Variants in TRPM3 observed in about 807,000 individuals in gnomAD.
TRPM3 encodes transient receptor potential cation channel subfamily M member 3.
A neutral mutation model predicts 181.2 loss-of-function variants in TRPM3; 77 were observed. The observed-to-expected ratio is 0.42, with a 90% CI of 0.35 to 0.51. The LOEUF (loss-of-function observed/expected upper bound fraction) is 0.51. Ranked by LOEUF, TRPM3 falls within the 20% of genes least tolerant of loss-of-function variation. The pLI, the probability that TRPM3 is intolerant of heterozygous loss-of-function variation, is 0.01. For missense variants in TRPM3, 1,759 were observed against 2,196.7 expected, an observed-to-expected ratio of 0.80 and a Z score of 3.98; for synonymous variants, 745 against 796.4, an observed-to-expected ratio of 0.94 and a Z score of 1.09.
At chr9:70,696,640 C>T (rs146926072) in intron 8 of TRPM3, among the ~76,000 whole-genome samples, 223 of 152,294 alleles carry the variant, frequency 1.5e-3, no homozygotes, top group Middle Eastern at 6.8e-3. Flanking sequence ...GTTTGAAGGA[C>T]ACGCAGGGCC....
chr9:70,694,154 G>T (rs1050572339), intron 8 of TRPM3, among the ~76,000 whole-genome samples: 1 of 152,210 alleles, frequency 6.6e-6, no homozygotes, highest in Non-Finnish European at 1.5e-5. Context: ...TGTGTCACTG[G>T]TCACTGCCTT....
In TRPM3 at chr9:71,265,463, T is replaced by C. The variant is rs367619263; in HGVS notation, c.183+181190A>G. On this transcript the variant is annotated intron_variant, in intron 1 of 24. Coordinates refer to the TRPM3 transcript ENST00000357533. Reference sequence around the variant, plus strand: ...TTGAAAATGGTGACACATATTGGCATGTAAGTGAATGTATTTGCTAAATAG... The same window carrying C: ...TTGAAAATGGTGACACATATTGGCACGTAAGTGAATGTATTTGCTAAATAG... 1.9e-4 allele frequency among the ~76,000 whole-genome samples: 29 copies of C among 152,356 alleles called. No individual in the cohort carries two copies. In the South Asian group the frequency reaches 3.7e-3, roughly 20 times the overall value.
chr9:70,795,033 G>A (rs1331847503), intron 6 of TRPM3, among the ~76,000 whole-genome samples: 1 of 152,174 alleles, frequency 6.6e-6, no homozygotes. Flanking sequence ...GACTATTGAT[G>A]TAGCATTTAC....
chr9:71,020,257 A>G (rs1465049121), intron 1 of TRPM3, among the ~76,000 whole-genome samples: 8 of 152,110 alleles, frequency 5.3e-5, no homozygotes. Flanking sequence ...ACTTGAGCCC[A>G]GAAGTTCAAG....
chr9:70,635,054 G>GACAC (rs1344946815), intron 12 of TRPM3, among the ~76,000 whole-genome samples, 157 bp downstream of exon 12: 7 of 115,498 alleles, frequency 6.1e-5, no homozygotes, highest in East Asian at 3.2e-4. Context: ...AGAGTTAAAA[G>GACAC]ACACATACAC....
intron 1 of TRPM3, among the ~76,000 whole-genome samples, chr9:70,987,900 A>C (rs1032496944): frequency 1.3e-5 from 2 of 152,158 alleles, no homozygotes; most frequent in African/African-American, 4.8e-5. Flanking sequence ...AATTAAAAAC[A>C]TTCCAACTAT....
intron 1 of TRPM3, among the ~76,000 whole-genome samples, chr9:71,295,684 A>G (rs1385900427): frequency 6.6e-6 from 1 of 151,814 alleles, no homozygotes; most frequent in Non-Finnish European, 1.5e-5. Flanking sequence ...TAAGTAAATA[A>G]ACAAGCAATC....
At chr9:70,674,753 A>T (rs2063670815) in intron 9 of TRPM3, among the ~76,000 whole-genome samples, 1 of 130,692 alleles carries the variant, frequency 7.7e-6, no homozygotes, top group Admixed American at 7.9e-5. Flanking sequence ...TTTTTTAGAG[A>T]CAAGGTCTCA....
At chr9:71,282,053 CAGAAAGAG>C (rs1344685622) in intron 1 of TRPM3, among the ~76,000 whole-genome samples, 2 of 91,018 alleles carry the variant, frequency 2.2e-5, no homozygotes, top group Non-Finnish European at 4.4e-5. Flanking sequence ...AAGGGCAAAA[CAGAAAGAG>C]AGAAAGAAAG....
intron 4 of TRPM3, among the ~76,000 whole-genome samples, chr9:70,844,067 T>C (rs988095247): frequency 2.0e-5 from 3 of 152,204 alleles, no homozygotes; most frequent in South Asian, 2.1e-4. Context: ...GATTCATAAT[T>C]ATATGTGAAG....
At chr9:70,567,826 G>T (rs1462496156) in intron 22 of TRPM3, among the ~76,000 whole-genome samples, 1 of 152,194 alleles carries the variant, frequency 6.6e-6, no homozygotes, top group Non-Finnish European at 1.5e-5. Flanking sequence ...ATAAAAGAAT[G>T]TTCTGTCTTC....
chr9:70,620,177 G>A lies in TRPM3; in HGVS notation c.2028C>T (p.Ala676=). 1 of 1,614,208 alleles carries A rather than the reference G, an allele frequency of 6.2e-7. No individual in the cohort carries two copies. The highest frequency in any genetic ancestry group is 1.1e-5 in the South Asian group (1 of 91,076). ...AGAGCTTGCAGGCCACCAGGGCCTT[G>A]GCCATGGCCTCCTCACCGTGCTGCC... The part of the protein sequence containing the change: ...FFWQHGEEAM[A]KALVACKLCK... Residue 676 remains alanine, a synonymous_variant, in exon 16 of 26, where the codon GCC becomes GCT. Transcript: ENST00000677713.
chr9:71,018,945 C>T (rs968782756), intron 1 of TRPM3, among the ~76,000 whole-genome samples: 8 of 151,758 alleles, frequency 5.3e-5, no homozygotes, highest in Admixed American at 3.9e-4. Flanking sequence ...ACATTATAAC[C>T]AAGTCAGGTT....
intron 1 of TRPM3, among the ~76,000 whole-genome samples, chr9:70,985,708 A>G (rs919209660): frequency 2.0e-5 from 3 of 152,176 alleles, no homozygotes; most frequent in Non-Finnish European, 2.9e-5. Flanking sequence ...TTTGGGAGGT[A>G]TAAAAATGAA....
intron 1 of TRPM3, among the ~76,000 whole-genome samples, chr9:70,969,781 C>CATAT (rs1564870311): frequency 1.0e-5 from 1 of 99,286 alleles, no homozygotes; most frequent in Non-Finnish European, 2.2e-5. Flanking sequence ...TATATATATA[C>CATAT]ACACACACAC....
intron 1 of TRPM3, among the ~76,000 whole-genome samples, chr9:70,865,051 G>C (rs972736482): frequency 2.0e-5 from 3 of 150,932 alleles, no homozygotes; most frequent in East Asian, 2.0e-4. Flanking sequence ...GGGGTTGGGG[G>C]GGGGGAGGAA....
chr9:70,565,316 A>G (rs962932842), intron 22 of TRPM3, among the ~76,000 whole-genome samples: 12 of 151,910 alleles, frequency 7.9e-5, no homozygotes, highest in African/African-American at 2.9e-4. Flanking sequence ...TTTTTGAGAC[A>G]GAGTTTTGCT....
intron 1 of TRPM3, among the ~76,000 whole-genome samples, chr9:71,264,910 T>C (rs931624068): frequency 6.6e-6 from 1 of 152,176 alleles, no homozygotes; most frequent in African/African-American, 2.4e-5. Context: ...ATCTACTTCA[T>C]GCCAAATTGA....
intron 1 of TRPM3, among the ~76,000 whole-genome samples, chr9:71,208,785 C>T (rs2079290144): frequency 6.6e-6 from 1 of 152,126 alleles, no homozygotes; most frequent in Non-Finnish European, 1.5e-5. Flanking sequence ...TACTATAATT[C>T]TCCCATTTGT....
Sources: gnomAD v4.1 joint callset for allele counts (sites outside exome capture counted in the v4.1 genomes callset) on GRCh38, gnomAD v4.1.1 for gene constraint, MANE v1.5 for transcripts, NCBI Gene and HGNC (gene_info 2026-07-23, HGNC 2026-07-21) for gene names.